Variants in SLC38A6 observed in about 807,000 individuals in gnomAD.
SLC38A6 encodes the protein solute carrier family 38 member 6, also known as N system amino acid transporter NAT-1.
Under a neutral mutation model 65.0 loss-of-function variants are expected in SLC38A6, and 73 were observed. The observed-to-expected ratio is 1.12, with a 90% CI of 0.93 to 1.37. The LOEUF (loss-of-function observed/expected upper bound fraction) is 1.37. SLC38A6 is among the 40% of genes most tolerant of loss of function. The pLI, the probability that SLC38A6 is intolerant of heterozygous loss-of-function variation, is 0.00. For synonymous variants in SLC38A6, 183 were observed against 178.8 expected (o/e 1.02, Z -0.19); for missense variants, 561 against 531.1 (o/e 1.06, Z -0.55).
At chr14:61,032,378 A>G (rs185760636) in intron 6 of SLC38A6, among the ~76,000 whole-genome samples, 1 of 151,986 alleles carries the variant, frequency 6.6e-6, no homozygotes, top group East Asian at 1.9e-4. Context: ...TTCTTTCTCT[A>G]AAAGTGATAT....
chr14:61,052,502 C>A lies in SLC38A6; in HGVS notation c.*73C>A. 2 of 1,475,992 alleles carry A rather than the reference C, an allele frequency of 1.4e-6. No individual in the cohort carries two copies. Among genetic ancestry groups the A allele is most frequent in the Non-Finnish European group, 1.8e-6 (2 of 1,120,684 alleles). The allele number at this position is 1,475,992 out of a possible 1,614,324, so 91.4% of individuals were successfully genotyped here. A position where few individuals can be genotyped will look rare whatever the true frequency, so the allele number is the denominator to read the frequency against. On this transcript the variant is annotated 3_prime_UTR_variant, in exon 16 of 16. Coordinates refer to ENST00000267488, the MANE Select transcript of SLC38A6 (RefSeq NM_153811.3). ...AAGAATGAATTATTCCGGAAGACAC[C>A]CTGGATGAAAAATAACATTTTAATA... is the stretch of plus-strand genomic sequence containing the variant.
At chr14:61,023,598 TATAC>T (rs2040459387) in intron 5 of SLC38A6, among the ~76,000 whole-genome samples, 4 of 147,890 alleles carry the variant, frequency 2.7e-5, no homozygotes, top group African/African-American at 7.5e-5. Flanking sequence ...AATATATATA[TATAC>T]ACACACACAC....
intron 4 of SLC38A6, 93 bp from the exon 5 acceptor site, chr14:61,019,448 C>T: frequency 7.7e-7 from 1 of 1,293,226 alleles, no homozygotes; most frequent in South Asian, 1.4e-5. Flanking sequence ...TCTGCATCTG[C>T]TTTTTTAGTA....
intron 10 of SLC38A6, 65 bp downstream of exon 10, chr14:61,043,568 G>A: frequency 8.3e-7 from 1 of 1,206,898 alleles, no homozygotes; most frequent in Non-Finnish European, 1.2e-6. Context: ...AGAGGTTTGT[G>A]TAACAGGGTC....
At chr14:60,986,059 G>T (rs2037426869) in intron 3 of SLC38A6, among the ~76,000 whole-genome samples, 1 of 152,212 alleles carries the variant, frequency 6.6e-6, no homozygotes, top group Non-Finnish European at 1.5e-5. Context: ...CCAACACTGG[G>T]GATCTGATTT....
exon 17 of SLC38A6, chr14:61,083,647 A>G: frequency 6.4e-7 from 1 of 1,550,456 alleles, no homozygotes; most frequent in East Asian, 2.4e-5. Flanking sequence ...AAGAGGCCTC[A>G]GGAGAACCAA....
At chr14:61,065,781 C>G (rs963294273) in intron 15 of SLC38A6, among the ~76,000 whole-genome samples, 1 of 152,212 alleles carries the variant, frequency 6.6e-6, no homozygotes, top group East Asian at 1.9e-4. Flanking sequence ...TTTGGAAGAT[C>G]TATCTTTAAG....
chr14:61,016,915 A>C (rs1595093299), intron 4 of SLC38A6, among the ~76,000 whole-genome samples: 1 of 152,282 alleles, frequency 6.6e-6, no homozygotes, highest in East Asian at 1.9e-4. Flanking sequence ...TTTTATTTTT[A>C]TTCTAAAAGG....
Position 61,037,146 on chromosome 14 carries a change from G to C in SLC38A6, c.565+5G>C, listed in dbSNP as rs2041449399. On this transcript the variant is annotated splice_donor_5th_base_variant and intron_variant, in intron 7 of 15. Coordinates refer to ENST00000267488, the MANE Select transcript of SLC38A6 (RefSeq NM_153811.3). The stretch of plus-strand genomic sequence containing the variant: ...TTGCACTTCTTCCCAAAATAGGTAA[G>C]TCTTTATAGAGCACATTATTTGTTT... The C allele has an allele frequency of 6.3e-7, 1 of 1,578,760 alleles. No individual in the cohort carries two copies. The highest frequency in any genetic ancestry group is 1.4e-5 in the African/African-American group (1 of 73,252).
chr14:61,079,729 C>T (rs2043568397), intron 16 of SLC38A6, among the ~76,000 whole-genome samples: 1 of 152,186 alleles, frequency 6.6e-6, no homozygotes, highest in African/African-American at 2.4e-5. Flanking sequence ...TTGTATCCTC[C>T]ATCCAGAACC....
chr14:61,010,789 C>G (rs151338652), intron 3 of SLC38A6, among the ~76,000 whole-genome samples: 3 of 152,012 alleles, frequency 2.0e-5, no homozygotes, highest in Admixed American at 6.5e-5. Flanking sequence ...ACTGTAGCCT[C>G]GTAGTATAGT....
intron 15 of SLC38A6, among the ~76,000 whole-genome samples, chr14:61,072,971 G>A (rs2043280426): frequency 2.0e-5 from 3 of 152,110 alleles, no homozygotes; most frequent in Admixed American, 2.0e-4. Context: ...CTCTACAGTG[G>A]TTGTACTAAT....
chr14:60,989,380 G>T (rs2037692508), intron 3 of SLC38A6, among the ~76,000 whole-genome samples: 1 of 151,774 alleles, frequency 6.6e-6, no homozygotes, highest in Admixed American at 6.6e-5. Flanking sequence ...CTTTTACTTT[G>T]CATCTTTTGA....
intron 3 of SLC38A6, among the ~76,000 whole-genome samples, chr14:61,014,207 G>C (rs1360917322): frequency 1.3e-5 from 2 of 152,148 alleles, no homozygotes; most frequent in East Asian, 3.9e-4. Context: ...TCATCACGTA[G>C]TTCTCGTGCC....
chr14:61,011,942 A>G (rs546088291), intron 3 of SLC38A6, among the ~76,000 whole-genome samples: 3 of 152,298 alleles, frequency 2.0e-5, no homozygotes, highest in Non-Finnish European at 2.9e-5. Context: ...TGATTGGAAT[A>G]GTTTCAGAAG....
chr14:61,051,712 G>T, intron 13 of SLC38A6, 75 bp from the exon 14 acceptor site: 1 of 1,532,234 alleles, frequency 6.5e-7, no homozygotes, highest in South Asian at 1.2e-5. Context: ...CATGGTTGTT[G>T]TATATGTTTC....
intron 3 of SLC38A6, among the ~76,000 whole-genome samples, chr14:61,006,854 C>G (rs905895534): frequency 1.3e-5 from 2 of 152,150 alleles, no homozygotes; most frequent in African/African-American, 4.8e-5. Flanking sequence ...AATCATGCTG[C>G]TATAAAGACA....
At chr14:61,046,274 A>G (rs1228384111) in intron 12 of SLC38A6, 107 bp downstream of exon 12, 4 of 690,878 alleles carry the variant, frequency 5.8e-6, no homozygotes, top group Non-Finnish European at 4.9e-6. Context: ...TAATTTGCTC[A>G]GATCACCAAA....
intron 16 of SLC38A6, among the ~76,000 whole-genome samples, chr14:61,079,602 A>G (rs959566749): frequency 1.3e-5 from 2 of 152,140 alleles, no homozygotes; most frequent in Non-Finnish European, 2.9e-5. Flanking sequence ...CCTATGCTCA[A>G]CATCTTGATG....
Sources: gnomAD v4.1 joint callset for allele counts (sites outside exome capture counted in the v4.1 genomes callset) on GRCh38, gnomAD v4.1.1 for gene constraint, MANE v1.5 for transcripts, NCBI Gene and HGNC (gene_info 2026-07-23, HGNC 2026-07-21) for gene names.